Variants in AKAP13 observed in about 807,000 individuals in gnomAD.
The protein encoded by AKAP13 is A-kinase anchoring protein 13, also known as A-kinase anchor protein 13.
A neutral mutation model predicts 264.5 loss-of-function variants in AKAP13; 80 were observed. That is an observed-to-expected ratio of 0.30 (90% CI 0.25 to 0.36). AKAP13 has a LOEUF of 0.36. AKAP13 is among the 10% of genes least tolerant of loss of function. The pLI is 1.00. For synonymous variants in AKAP13, 1,380 were observed against 1,250.2 expected, an observed-to-expected ratio of 1.10 and a Z score of -2.19; for missense variants, 3,712 against 3,435.2, an observed-to-expected ratio of 1.08 and a Z score of -2.01.
At chr15:85,511,884 C>T (rs2076434760) in intron 2 of AKAP13, among the ~76,000 whole-genome samples, 1 of 152,138 alleles carries the variant, frequency 6.6e-6, no homozygotes, top group Admixed American at 6.5e-5. Context: ...TTTTAACTTT[C>T]TCACATTGTG....
At chr15:85,569,033 A>G (rs1410870764) in intron 5 of AKAP13, among the ~76,000 whole-genome samples, 1 of 152,210 alleles carries the variant, frequency 6.6e-6, no homozygotes, top group African/African-American at 2.4e-5. Context: ...CGAAGTCAAC[A>G]TGTTCAGAAT....
intron 4 of AKAP13, among the ~76,000 whole-genome samples, chr15:85,537,168 A>G (rs1400022980): frequency 3.0e-5 from 1 of 33,056 alleles, no homozygotes; most frequent in Non-Finnish European, 6.7e-5. Context: ...AACACTGGGT[A>G]CAGTAAGGGA....
At chr15:85,475,551 G>A (rs1344556265) in intron 1 of AKAP13, among the ~76,000 whole-genome samples, 1 of 152,202 alleles carries the variant, frequency 6.6e-6, no homozygotes, top group South Asian at 2.1e-4. Flanking sequence ...CCTAAGTATA[G>A]TGTTAAGTAG....
chr15:85,734,657 C>T (rs2088307447), intron 30 of AKAP13, among the ~76,000 whole-genome samples: 1 of 152,248 alleles, frequency 6.6e-6, no homozygotes, highest in South Asian at 2.1e-4. Context: ...GTTCTCAAAT[C>T]AATCCATCTT....
intron 35 of AKAP13, among the ~76,000 whole-genome samples, chr15:85,742,271 G>A (rs984005743): frequency 1.3e-5 from 2 of 152,150 alleles, no homozygotes; most frequent in Admixed American, 6.5e-5. Context: ...TAGGAGCAAC[G>A]CCACTGCTCT....
chr15:85,437,676 A>G (rs1396664965), intron 1 of AKAP13, among the ~76,000 whole-genome samples: 1 of 152,238 alleles, frequency 6.6e-6, no homozygotes, highest in East Asian at 1.9e-4. Flanking sequence ...TACGCAAATC[A>G]ATAAATGTAA....
intron 8 of AKAP13, among the ~76,000 whole-genome samples, chr15:85,604,547 T>A (rs2080236952): frequency 6.6e-6 from 1 of 151,564 alleles, no homozygotes; most frequent in African/African-American, 2.4e-5. Context: ...CATTGCAACC[T>A]CTGCCTCCCG....
At chr15:85,590,678 A>G (rs2079546338) in intron 8 of AKAP13, among the ~76,000 whole-genome samples, 2 of 152,236 alleles carry the variant, frequency 1.3e-5, no homozygotes, top group South Asian at 2.1e-4. Context: ...ATTACTTTAC[A>G]CATATTGTGG....
intron 35 of AKAP13, among the ~76,000 whole-genome samples, chr15:85,742,101 A>G (rs1437960599): frequency 6.6e-6 from 1 of 152,258 alleles, no homozygotes; most frequent in African/African-American, 2.4e-5. Context: ...AGAGGCAGAA[A>G]GTCTTCTTCT....
intron 4 of AKAP13, among the ~76,000 whole-genome samples, chr15:85,540,927 C>A (rs942971191): frequency 5.3e-5 from 8 of 152,160 alleles, no homozygotes; most frequent in Non-Finnish European, 1.0e-4. Flanking sequence ...ATCGAAGAAG[C>A]CTTACACAAG....
chr15:85,555,857 G>A (rs1387776706), intron 5 of AKAP13, among the ~76,000 whole-genome samples: 1 of 152,180 alleles, frequency 6.6e-6, no homozygotes, highest in African/African-American at 2.4e-5. Context: ...TTTGGATGCT[G>A]TAACCTTATC....
intron 2 of AKAP13, among the ~76,000 whole-genome samples, chr15:85,509,557 A>G (rs1038701320): frequency 2.6e-5 from 4 of 152,096 alleles, no homozygotes; most frequent in Admixed American, 6.6e-5. Flanking sequence ...TTCTCATCCT[A>G]AGGAGCCTTG....
intron 14 of AKAP13, among the ~76,000 whole-genome samples, chr15:85,675,563 A>AG (rs900396814): frequency 3.3e-5 from 5 of 152,146 alleles, no homozygotes; most frequent in East Asian, 3.8e-4. Flanking sequence ...CCATGGTAGG[A>AG]GGGGGGTGAA....
chr15:85,522,706 C>G (rs1304048197), intron 3 of AKAP13, among the ~76,000 whole-genome samples: 1 of 152,044 alleles, frequency 6.6e-6, no homozygotes, highest in East Asian at 1.9e-4. Context: ...CCCTGCCTAC[C>G]CAAGCCAAGC....
intron 5 of AKAP13, chr15:85,544,219 T>C: frequency 1.7e-6 from 1 of 580,038 alleles, no homozygotes; most frequent in Non-Finnish European, 3.2e-6. Flanking sequence ...ATTTTACTAT[T>C]TTACTCAAAA....
At chr15:85,450,661 G>T (rs1219918721) in intron 1 of AKAP13, among the ~76,000 whole-genome samples, 2 of 152,120 alleles carry the variant, frequency 1.3e-5, no homozygotes, top group Non-Finnish European at 2.9e-5. Flanking sequence ...GTAATTGGAT[G>T]GTTTTGAGTG....
At position 85,743,805 on chromosome 15, in the gene AKAP13, C is replaced by T. The variant is rs367824472; in HGVS notation, c.8372C>T (p.Thr2791Ile). ...EKKEKKKKNK[T>I]SRSQPGDGPA... ...AAGGAGAAAAAAAAGAAGAACAAAA[C>T]CAGCCGCTCTCAGCCCGGTGGTGAG... is the stretch of plus-strand genomic sequence containing the variant. The change falls in exon 36 of 37, where the codon ACC (threonine) becomes ATC (isoleucine). Residue 2791 changes from threonine (T) to isoleucine (I), a missense_variant. Transcript: ENST00000394518. 44 of 1,611,366 alleles carry T rather than the reference C, an allele frequency of 2.7e-5. No homozygotes were observed. The African/African-American group carries it at 5.8e-4, about 21-fold the overall frequency.
chr15:85,620,290 C>T lies in AKAP13; in HGVS notation c.4162-19084C>T. ...GGAGAAAGGCCGAGAAATCTGTGCACAGTGGAGGATGAGGGGTGAATGTAA... is the reference window on the plus strand; with the variant it reads ...GGAGAAAGGCCGAGAAATCTGTGCATAGTGGAGGATGAGGGGTGAATGTAA... On this transcript the variant is annotated intron_variant, in intron 8 of 36. Transcript: ENST00000394518. 4.3e-6 allele frequency: 4 copies of T among 927,546 alleles called. No homozygotes were observed. In the South Asian group the frequency reaches 6.0e-5, roughly 14 times the overall value. 57.5% of individuals were successfully genotyped at this position (927,546 alleles called of 1,614,324 possible).
rs866802171 is a variant in AKAP13 at position 85,581,222 on chromosome 15, G to T, written c.3154G>T (p.Asp1052Tyr). 1 of 1,614,046 alleles carries T rather than the reference G, an allele frequency of 6.2e-7. No individual in the cohort carries two copies. Among genetic ancestry groups the T allele is most frequent in the African/African-American group, 1.3e-5 (1 of 74,942 alleles). The change falls in exon 7 of 37, where the codon GAT (aspartate) becomes TAT (tyrosine). Residue 1052 changes from aspartate to tyrosine, a missense_variant. Around this residue, in one of 3 missense-constraint regions of AKAP13, gnomAD observed 2,759 missense variants for 2,411.7 expected, o/e 1.14. Coordinates refer to ENST00000394518, the MANE Select transcript of AKAP13 (RefSeq NM_007200.5). ...GCCATGTCTGTTGCCAGATGGGTCT[G>T]ATGGGTCCGATGCTCTTAACTGCAG... Reference protein sequence around the residue: ...LLPCLLPDGSDGSDALNCSQP... With the variant: ...LLPCLLPDGSYGSDALNCSQP...
Sources: allele counts gnomAD v4.1 joint callset (sites outside exome capture counted in the v4.1 genomes callset), GRCh38; gene constraint gnomAD v4.1.1; regional missense constraint gnomAD v4.1.1; transcripts MANE v1.5; gene names NCBI Gene and HGNC (gene_info 2026-07-23, HGNC 2026-07-21).